Variants in CHRM3 observed in about 807,000 individuals in gnomAD.
CHRM3 encodes cholinergic receptor muscarinic 3.
In CHRM3, 11 loss-of-function variants were observed where a neutral mutation model predicts 41.8. The ratio of observed to expected loss-of-function variants is 0.26; its 90% CI spans 0.17 to 0.44. The LOEUF is 0.44. Among genes scored for constraint, CHRM3 ranks in the 20% least tolerant of loss-of-function variants. The pLI is 1.00. For synonymous variants in CHRM3, 297 were observed against 301.4 expected (o/e 0.99, Z 0.15); for missense variants, 571 against 745.4 (o/e 0.77, Z 2.72).
rs148672412 is a variant in CHRM3, at chr1:239,818,515, C to A, written c.-146-8737C>A. ...GGATGCGTCTGCCTCATCTTGGAGT[C>A]CTGCTCTCAGTGCAGTCCATGGACT... On this transcript the variant is annotated intron_variant, in intron 5 of 6. Transcript: ENST00000676153. Among the ~76,000 whole-genome samples the A allele has an allele frequency of 8.5e-3, 1,301 of 152,282 alleles. 19 individuals carry two copies. The highest frequency in any genetic ancestry group is 0.03 in the African/African-American group (1,237 of 41,568).
intron 1 of CHRM3, among the ~76,000 whole-genome samples, chr1:239,392,615 G>A (rs905537184): frequency 2.0e-5 from 3 of 152,208 alleles, no homozygotes; most frequent in African/African-American, 7.2e-5. Context: ...GTTTTGGAGA[G>A]AGTTCCCAGA....
chr1:239,886,762 A>T (rs963847659), intron 6 of CHRM3, among the ~76,000 whole-genome samples: 1 of 152,182 alleles, frequency 6.6e-6, no homozygotes, highest in African/African-American at 2.4e-5. Flanking sequence ...CTGCAGCTGG[A>T]TATGGTACCA....
chr1:239,886,158 T>G (rs1678048649), intron 6 of CHRM3: 1 of 152,208 alleles, frequency 6.6e-6, no homozygotes, highest in Non-Finnish European at 1.5e-5. Context: ...CGGATGGTTG[T>G]TGAGACAGAA....
intron 5 of CHRM3, among the ~76,000 whole-genome samples, chr1:239,779,064 A>T (rs538263412): frequency 2.0e-5 from 3 of 152,196 alleles, no homozygotes; most frequent in Admixed American, 1.3e-4. Context: ...CTTAATATTT[A>T]TAATATTTTA....
intron 6 of CHRM3, among the ~76,000 whole-genome samples, chr1:239,838,073 T>C (rs1484755099): frequency 3.3e-5 from 5 of 152,206 alleles, no homozygotes; most frequent in Non-Finnish European, 7.3e-5. Flanking sequence ...GGAAATTATA[T>C]ATGAATTGAA....
At chr1:239,559,645 C>T (rs1013458521) in intron 3 of CHRM3, among the ~76,000 whole-genome samples, 3 of 152,100 alleles carry the variant, frequency 2.0e-5, no homozygotes, top group Admixed American at 6.6e-5. Flanking sequence ...TTGTTAGTTG[C>T]GAGAAGCTGG....
intron 5 of CHRM3, among the ~76,000 whole-genome samples, chr1:239,697,314 C>T (rs1227649205): frequency 6.6e-6 from 1 of 152,136 alleles, no homozygotes; most frequent in Non-Finnish European, 1.5e-5. Flanking sequence ...CACAAGCTCT[C>T]TCTTTTCCTG....
At chr1:239,404,438 GAAAGA>G (rs1558195992) in intron 1 of CHRM3, among the ~76,000 whole-genome samples, 1 of 120,332 alleles carries the variant, frequency 8.3e-6, no homozygotes, top group Non-Finnish European at 1.9e-5. Flanking sequence ...AAGAAAGAAA[GAAAGA>G]AAGAAAGAAA....
At chr1:239,534,119 G>T (rs533897303) in intron 2 of CHRM3, among the ~76,000 whole-genome samples, 7 of 152,174 alleles carry the variant, frequency 4.6e-5, no homozygotes, top group Non-Finnish European at 8.8e-5. Flanking sequence ...CTTGAGGTCA[G>T]GAGTTCGAGA....
chr1:239,636,241 CCT>C (rs1670453196), intron 4 of CHRM3, among the ~76,000 whole-genome samples: 1 of 152,156 alleles, frequency 6.6e-6, no homozygotes, highest in Admixed American at 6.6e-5. Context: ...CAAAATTTTC[CCT>C]GTTTTTATGG....
chr1:239,407,417 T>TATATATATATATATATATATATATATAG, intron 1 of CHRM3, among the ~76,000 whole-genome samples: 8 of 134,208 alleles, frequency 6.0e-5, no homozygotes, highest in South Asian at 2.4e-4. Context: ...TATATATATA[T>TATATATATATATATATATATATATATAG]AGAGAGAGAG....
At chr1:239,390,751 T>C (rs1658960611) in intron 1 of CHRM3, among the ~76,000 whole-genome samples, 1 of 152,136 alleles carries the variant, frequency 6.6e-6, no homozygotes, top group Non-Finnish European at 1.5e-5. Flanking sequence ...AACTAGCACC[T>C]GGAGAGCTCT....
intron 1 of CHRM3, among the ~76,000 whole-genome samples, chr1:239,408,544 A>AAC (rs1256608826): frequency 1.1e-4 from 16 of 149,398 alleles, no homozygotes; most frequent in African/African-American, 4.0e-4. Flanking sequence ...AAAAAAAAAA[A>AAC]CTCTCTCCTT....
chr1:239,683,292 A>G (rs1452402775), intron 5 of CHRM3, among the ~76,000 whole-genome samples: 1 of 152,174 alleles, frequency 6.6e-6, no homozygotes, highest in African/African-American at 2.4e-5. Context: ...TACCAAATCT[A>G]GGAAGTGACT....
intron 5 of CHRM3, among the ~76,000 whole-genome samples, chr1:239,740,758 A>G (rs982383406): frequency 6.6e-6 from 1 of 152,212 alleles, no homozygotes; most frequent in Non-Finnish European, 1.5e-5. Context: ...AATCAAAACC[A>G]TAATGAGATA....
chr1:239,497,377 G>T (rs970315385), intron 2 of CHRM3, among the ~76,000 whole-genome samples: 1 of 152,082 alleles, frequency 6.6e-6, no homozygotes, highest in Admixed American at 6.6e-5. Context: ...CCAGAGATTG[G>T]GGGTCACTGA....
chr1:239,543,118 G>C (rs995835195), intron 2 of CHRM3, among the ~76,000 whole-genome samples: 1 of 152,140 alleles, frequency 6.6e-6, no homozygotes, highest in African/African-American at 2.4e-5. Flanking sequence ...CTGTCATTCT[G>C]AAGAATGGCA....
chr1:239,749,777 C>T (rs1042501819), intron 5 of CHRM3, among the ~76,000 whole-genome samples: 2 of 152,108 alleles, frequency 1.3e-5, no homozygotes, highest in African/African-American at 4.8e-5. Context: ...CCAGAATTTT[C>T]GTATTTGTTA....
At chr1:239,479,430 A>C (rs1467439385) in intron 1 of CHRM3, among the ~76,000 whole-genome samples, 2 of 152,230 alleles carry the variant, frequency 1.3e-5, no homozygotes, top group East Asian at 1.9e-4. Context: ...GGCTAACTTT[A>C]CATCAGACCC....
Sources: allele counts gnomAD v4.1 joint callset (sites outside exome capture counted in the v4.1 genomes callset), GRCh38; gene constraint gnomAD v4.1.1; transcripts MANE v1.5; gene names NCBI Gene and HGNC (gene_info 2026-07-23, HGNC 2026-07-21).